SORCS1: variants seen among roughly 807,000 people sequenced by gnomAD.
The protein encoded by SORCS1 is sortilin related VPS10 domain containing receptor 1.
In SORCS1, 60 loss-of-function variants were observed where a neutral mutation model predicts 146.1. That is an observed-to-expected ratio of 0.41 (90% CI 0.33 to 0.51). The LOEUF is 0.51. SORCS1 is among the 20% of genes least tolerant of loss of function. SORCS1 has a pLI of 0.21. For missense variants in SORCS1, 1,352 were observed against 1,487.6 expected (o/e 0.91, Z 1.50); for synonymous variants, 637 against 584.0 (o/e 1.09, Z -1.31).
chr10:106,885,894 C>T (rs576182734), intron 2 of SORCS1, among the ~76,000 whole-genome samples: 1 of 152,190 alleles, frequency 6.6e-6, no homozygotes, highest in Non-Finnish European at 1.5e-5. Context: ...TGCCTGTCAC[C>T]ACATAAGACG....
chr10:106,620,811 TA>T (rs5787679), intron 19 of SORCS1, among the ~76,000 whole-genome samples: 39,334 of 151,642 alleles, frequency 0.26, 6,244 homozygotes, highest in East Asian at 0.53. Flanking sequence ...GTGTAAAAGT[TA>T]AAAAAAAATT....
At chr10:107,129,259 G>A (rs1966845570) in intron 1 of SORCS1, among the ~76,000 whole-genome samples, 1 of 152,204 alleles carries the variant, frequency 6.6e-6, no homozygotes. Flanking sequence ...TCATTTAAAA[G>A]AGAATCTCTT....
At chr10:106,819,779 GATAAGGGTAA>G (rs2136905896) in intron 3 of SORCS1, among the ~76,000 whole-genome samples, 1 of 152,298 alleles carries the variant, frequency 6.6e-6, no homozygotes, top group African/African-American at 2.4e-5. Flanking sequence ...AGAACAGAAA[GATAAGGGTAA>G]ATTGTACTCC....
chr10:106,764,500 G>T (rs1379437901), intron 4 of SORCS1, among the ~76,000 whole-genome samples: 1 of 152,144 alleles, frequency 6.6e-6, no homozygotes, highest in African/African-American at 2.4e-5. Context: ...ACCTAAGTAA[G>T]ATTTATTTCC....
chr10:107,090,248 G>A (rs1040041100), intron 1 of SORCS1, among the ~76,000 whole-genome samples: 1 of 152,134 alleles, frequency 6.6e-6, no homozygotes, highest in Non-Finnish European at 1.5e-5. Flanking sequence ...AGAGAACCCT[G>A]GAGAAGCATA....
intron 2 of SORCS1, among the ~76,000 whole-genome samples, chr10:106,911,209 T>G (rs1008489021): frequency 6.6e-6 from 1 of 152,210 alleles, no homozygotes; most frequent in African/African-American, 2.4e-5. Context: ...ATGACACCAG[T>G]AGATTAGCTT....
At chr10:107,151,277 T>C (rs1779880063) in intron 1 of SORCS1, among the ~76,000 whole-genome samples, 1 of 152,118 alleles carries the variant, frequency 6.6e-6, no homozygotes. Context: ...GATAGTGACA[T>C]GGACAATGAA....
At chr10:107,118,412 T>C (rs1429583440) in intron 1 of SORCS1, among the ~76,000 whole-genome samples, 2 of 152,224 alleles carry the variant, frequency 1.3e-5, no homozygotes, top group Non-Finnish European at 2.9e-5. Flanking sequence ...CTAGACAGTT[T>C]GCAGTAAATC....
chr10:107,102,399 T>C (rs1964988021), intron 1 of SORCS1, among the ~76,000 whole-genome samples: 1 of 152,192 alleles, frequency 6.6e-6, no homozygotes, highest in Admixed American at 6.5e-5. Context: ...GTCAAGGTGT[T>C]GGGATCCGGA....
Position 106,623,227 on chromosome 10 carries a change from G to A in SORCS1, c.2663-2666C>T, listed in dbSNP as rs80242179. On this transcript the variant is annotated intron_variant, in intron 19 of 25. Coordinates refer to ENST00000263054, the MANE Select transcript of SORCS1 (RefSeq NM_052918.5). Reference sequence around the variant, plus strand: ...GTTCCATTCTAAAGAGGTTCATTTTGTCTCTCATATGTGAGCTTTTTTTTT... The same window carrying A: ...GTTCCATTCTAAAGAGGTTCATTTTATCTCTCATATGTGAGCTTTTTTTTT... Among the ~76,000 whole-genome samples, 148 of 149,782 alleles carry A rather than the reference G, an allele frequency of 9.9e-4. 2 individuals carry two copies. The East Asian group carries it at 0.017, about 18-fold the overall frequency.
intron 2 of SORCS1, among the ~76,000 whole-genome samples, chr10:106,952,954 G>C (rs1954761574): frequency 6.6e-6 from 1 of 151,956 alleles, no homozygotes; most frequent in Non-Finnish European, 1.5e-5. Context: ...CTGCACTCCA[G>C]CCTGGGTGAC....
At chr10:107,179,903 ACTTTTTTTTTTTTTTTT>A in the SORCS1 span, among the ~76,000 whole-genome samples, 2 of 73,396 alleles carry the variant, frequency 2.7e-5, no homozygotes, top group African/African-American at 1.0e-4. Context: ...CACAAAACAG[ACTTTTTTTTTTTTTTTT>A]TTTTTTTTTT....
rs376731669 is a variant in SORCS1, at chr10:106,604,366, T to A, written c.3165+2800A>T. On this transcript the variant is annotated intron_variant, in intron 23 of 25. Coordinates refer to ENST00000263054, the MANE Select transcript of SORCS1 (RefSeq NM_052918.5). The stretch of plus-strand genomic sequence containing the variant: ...TGAAAACTATGGGTCTCCAGGAGAC[T>A]CCCCTGTCTCACAGGGTCTAGACAT... 2.6e-5 allele frequency among the ~76,000 whole-genome samples: 4 copies of A among 152,292 alleles called. No homozygotes were observed. The East Asian group carries it at 7.7e-4, about 29-fold the overall frequency.
chr10:106,992,822 CTTTCTTTT>C (rs1240555802), intron 1 of SORCS1, among the ~76,000 whole-genome samples: 3 of 98,794 alleles, frequency 3.0e-5, no homozygotes, highest in Non-Finnish European at 5.5e-5. Flanking sequence ...TCCTTTCTTT[CTTTCTTTT>C]TTTTTTTTTT....
intron 1 of SORCS1, among the ~76,000 whole-genome samples, chr10:106,973,589 C>G (rs1955877964): frequency 6.6e-6 from 1 of 152,136 alleles, no homozygotes; most frequent in South Asian, 2.1e-4. Context: ...ACAAGCATGT[C>G]TGCTAGAACT....
chr10:106,660,168 C>G (rs905241651), intron 17 of SORCS1, among the ~76,000 whole-genome samples: 1 of 152,150 alleles, frequency 6.6e-6, no homozygotes, highest in Non-Finnish European at 1.5e-5. Context: ...TGGAAAAGAC[C>G]AAAGCTCCAG....
At chr10:106,671,641 G>T (rs1481102672) in intron 15 of SORCS1, among the ~76,000 whole-genome samples, 3 of 152,200 alleles carry the variant, frequency 2.0e-5, no homozygotes, top group Admixed American at 2.0e-4. Flanking sequence ...GTTGGGTGCA[G>T]TGCTATGAAG....
At chr10:106,848,027 G>C (rs1949378656) in intron 2 of SORCS1, among the ~76,000 whole-genome samples, 1 of 134,350 alleles carries the variant, frequency 7.4e-6, no homozygotes, top group Non-Finnish European at 1.6e-5. Flanking sequence ...TTTTGGAATA[G>C]GTGTGGTGTG....
At chr10:106,704,017 T>C (rs1428375672) in intron 8 of SORCS1, among the ~76,000 whole-genome samples, 1 of 152,188 alleles carries the variant, frequency 6.6e-6, no homozygotes, top group East Asian at 1.9e-4. Context: ...CAAATTTGGG[T>C]TCAAAGTAAA....
Sources: allele counts gnomAD v4.1 joint callset (sites outside exome capture counted in the v4.1 genomes callset), GRCh38; gene constraint gnomAD v4.1.1; transcripts MANE v1.5; gene names NCBI Gene and HGNC (gene_info 2026-07-23, HGNC 2026-07-21).